Variants in TNR observed in about 807,000 individuals in gnomAD.
The protein encoded by TNR is tenascin-R.
A neutral mutation model predicts 150.4 loss-of-function variants in TNR; 45 were observed. The ratio of observed to expected loss-of-function variants is 0.30; its 90% CI spans 0.24 to 0.38. The LOEUF (loss-of-function observed/expected upper bound fraction) is 0.38, where lower values mean the gene tolerates loss of function less well. Among genes scored for constraint, TNR ranks in the 10% least tolerant of loss-of-function variants. The probability of loss-of-function intolerance (pLI) is 1.00; values close to 1 mark genes in which losing one functional copy is unlikely to be tolerated. For synonymous variants in TNR, 687 were observed against 678.4 expected (o/e 1.01, Z -0.20); for missense variants, 1,544 against 1,759.1 (o/e 0.88, Z 2.19).
intron 2 of TNR, among the ~76,000 whole-genome samples, chr1:175,417,489 G>A (rs1257507007): frequency 6.6e-6 from 1 of 152,196 alleles, no homozygotes; most frequent in Non-Finnish European, 1.5e-5. Flanking sequence ...CACACTTGGT[G>A]TGTGCCTGTT....
At chr1:175,679,094 G>C in intron 1 of TNR, among the ~76,000 whole-genome samples, 1 of 152,236 alleles carries the variant, frequency 6.6e-6, no homozygotes, top group Non-Finnish European at 1.5e-5. Context: ...CTTAAGAAAA[G>C]ATGTTCCAGT....
chr1:175,653,142 C>A (rs1231604368), intron 1 of TNR, among the ~76,000 whole-genome samples: 4 of 152,176 alleles, frequency 2.6e-5, no homozygotes, highest in African/African-American at 9.7e-5. Flanking sequence ...TTTCTTATAA[C>A]CACTGGGCCC....
At chr1:175,509,288 G>A (rs1307632332) in intron 2 of TNR, among the ~76,000 whole-genome samples, 1 of 152,204 alleles carries the variant, frequency 6.6e-6, no homozygotes, top group African/African-American at 2.4e-5. Flanking sequence ...ATTACCTGGT[G>A]AAGTTACTTA....
Position 175,330,078 on chromosome 1 carries a change from A to G in TNR, c.3789T>C (p.Thr1263=), listed in dbSNP as rs1649647261. 3.2e-6 allele frequency: 5 copies of G among 1,583,160 alleles called. No individual in the cohort carries two copies. The highest frequency in any genetic ancestry group is 1.1e-5 in the South Asian group (1 of 88,674). Residue 1263 remains threonine (T), a synonymous_variant, in exon 21 of 23, where the codon ACT becomes ACC. Coordinates refer to ENST00000367674, the MANE Select transcript of TNR (RefSeq NM_003285.3). ...CTGCTCAGGAGCCATAGGTACCCGC[A>G]GTGCCGTTGTAGCTTCCTATGCGGA... ...YKLRIGSYNG[T]AGDSLSYHQG...
At chr1:175,532,310 C>G (rs575792138) in intron 1 of TNR, among the ~76,000 whole-genome samples, 115 of 152,318 alleles carry the variant, frequency 7.5e-4, no homozygotes, top group Non-Finnish European at 1.1e-3. Flanking sequence ...TTGTGAACAA[C>G]CTTCAAGTTG....
chr1:175,374,149 C>T (rs915796653), intron 9 of TNR, among the ~76,000 whole-genome samples: 35 of 152,134 alleles, frequency 2.3e-4, no homozygotes, highest in African/African-American at 7.0e-4. Context: ...GCAGACATAG[C>T]GAGGTGGACA....
At chr1:175,623,934 T>C (rs6683548) in intron 1 of TNR, among the ~76,000 whole-genome samples, 72,289 of 152,132 alleles carry the variant, frequency 0.48, 18,369 homozygotes, top group African/African-American at 0.68. Flanking sequence ...TCCTCTATGC[T>C]ACCCTGGTTT....
Position 175,603,513 on chromosome 1 carries a change from G to A in TNR, c.-164-75144C>T, listed in dbSNP as rs184270767. On this transcript the variant is annotated intron_variant, in intron 1 of 22. Transcript: ENST00000367674. ...ACTGAATGGACACTAGCAGGAGCAA[G>A]AAGTGTTAGGTTTTTATAGGATGCT... Among the ~76,000 whole-genome samples, 280 of 152,364 alleles carry A rather than the reference G, an allele frequency of 1.8e-3. 1 individual carries two copies. Among genetic ancestry groups the A allele is most frequent in the African/African-American group, 6.5e-3 (271 of 41,582 alleles).
rs1414757933 is a variant in TNR, at chr1:175,599,774, C to T, written c.-164-71405G>A. On this transcript the variant is annotated intron_variant, in intron 1 of 22. Transcript: ENST00000367674. The surrounding 1 kb of genome is among the most constrained non-coding windows in gnomAD (Gnocchi z 4.7). ...GGGTTCCCTGCCACCAATATGCAGT[C>T]TCACAACCGTTTTCTGTCCCACTTG... Among the ~76,000 whole-genome samples, 1 of 152,220 alleles carries T rather than the reference C, an allele frequency of 6.6e-6. No individual in the cohort carries two copies. The highest frequency in any genetic ancestry group is 1.5e-5 in the Non-Finnish European group (1 of 68,034).
chr1:175,350,521 T>C (rs1222573699), intron 18 of TNR, among the ~76,000 whole-genome samples: 1 of 152,236 alleles, frequency 6.6e-6, no homozygotes, highest in African/African-American at 2.4e-5. Flanking sequence ...CAGTAAATTA[T>C]AAATAATGTA....
At chr1:175,587,662 T>C (rs1475085778) in intron 1 of TNR, among the ~76,000 whole-genome samples, 1 of 152,192 alleles carries the variant, frequency 6.6e-6, no homozygotes, top group Non-Finnish European at 1.5e-5. Flanking sequence ...AAGAATTACA[T>C]GGACTTTAAA....
At chr1:175,542,764 T>C (rs1452170363) in intron 1 of TNR, among the ~76,000 whole-genome samples, 6 of 152,242 alleles carry the variant, frequency 3.9e-5, no homozygotes, top group Non-Finnish European at 8.8e-5. Flanking sequence ...ATATTAATCA[T>C]ACATATACAC....
intron 1 of TNR, among the ~76,000 whole-genome samples, chr1:175,717,237 T>C (rs1471708578): frequency 6.6e-6 from 1 of 152,234 alleles, no homozygotes; most frequent in Non-Finnish European, 1.5e-5. Context: ...TTTCCTGTTC[T>C]GCAAAATGGG....
intron 9 of TNR, among the ~76,000 whole-genome samples, chr1:175,369,727 T>G (rs1652008838): frequency 6.6e-6 from 1 of 152,186 alleles, no homozygotes; most frequent in Non-Finnish European, 1.5e-5. Context: ...ATCCTATTAC[T>G]TCCTTCCACC....
intron 1 of TNR, among the ~76,000 whole-genome samples, chr1:175,551,546 C>T (rs1415126353): frequency 6.6e-6 from 1 of 152,174 alleles, no homozygotes; most frequent in Non-Finnish European, 1.5e-5. Flanking sequence ...ACTTAGAAAG[C>T]AACCAGTCAA....
chr1:175,460,942 T>A (rs1656788304), intron 2 of TNR, among the ~76,000 whole-genome samples: 1 of 152,176 alleles, frequency 6.6e-6, no homozygotes. Context: ...CACATATGCA[T>A]CCATGCACAC....
At chr1:175,369,905 T>C (rs1393412004) in intron 9 of TNR, among the ~76,000 whole-genome samples, 1 of 152,210 alleles carries the variant, frequency 6.6e-6, no homozygotes, top group Non-Finnish European at 1.5e-5. Flanking sequence ...ATGCAATAAA[T>C]GTTGCTTAAG....
intron 2 of TNR, among the ~76,000 whole-genome samples, chr1:175,452,111 C>G (rs983211860): frequency 2.0e-5 from 3 of 152,210 alleles, no homozygotes; most frequent in Non-Finnish European, 2.9e-5. Flanking sequence ...GGACCAGCAT[C>G]GTGCACCGGT....
chr1:175,331,060 T>G (rs1377902898), intron 20 of TNR, among the ~76,000 whole-genome samples: 2 of 127,260 alleles, frequency 1.6e-5, no homozygotes, highest in Admixed American at 8.2e-5. Flanking sequence ...TTTCTTTCTT[T>G]CTTTCTTTCT....
Sources: allele counts gnomAD v4.1 joint callset (sites outside exome capture counted in the v4.1 genomes callset), GRCh38; gene constraint gnomAD v4.1.1; non-coding constraint Gnocchi (gnomAD v3.1); transcripts MANE v1.5; gene names NCBI Gene and HGNC (gene_info 2026-07-23, HGNC 2026-07-21).